ACOXL: variants seen among roughly 807,000 people sequenced by gnomAD.
ACOXL encodes the protein acyl-CoA oxidase like.
Under a neutral mutation model 71.9 loss-of-function variants are expected in ACOXL, and 70 were observed. The ratio of observed to expected loss-of-function variants is 0.97; its 90% CI spans 0.80 to 1.19. The LOEUF (loss-of-function observed/expected upper bound fraction) is 1.19, where lower values mean the gene tolerates loss of function less well. Among genes scored for constraint, ACOXL ranks in the 50% most tolerant of loss-of-function variants. ACOXL has a pLI of 0.00. For synonymous variants in ACOXL, 253 were observed against 281.6 expected (o/e 0.90, Z 1.02); for missense variants, 703 against 736.3 (o/e 0.95, Z 0.52).
chr2:110,751,320 A>G (rs1678933655), intron 1 of ACOXL, among the ~76,000 whole-genome samples: 2 of 151,814 alleles, frequency 1.3e-5, no homozygotes, highest in Non-Finnish European at 2.9e-5. Flanking sequence ...AAAAAAAAAA[A>G]AAATTTAGAC....
chr2:110,829,720 T>C (rs1460353027), intron 9 of ACOXL, among the ~76,000 whole-genome samples: 1 of 152,190 alleles, frequency 6.6e-6, no homozygotes, highest in African/African-American at 2.4e-5. Flanking sequence ...TGAGTGTGTG[T>C]GTATGTATCT....
intron 9 of ACOXL, among the ~76,000 whole-genome samples, chr2:110,810,506 C>T (rs889900973): frequency 6.6e-6 from 1 of 152,012 alleles, no homozygotes; most frequent in African/African-American, 2.4e-5. Flanking sequence ...CCCACTCACC[C>T]ATTCACCCAC....
At chr2:110,956,412 C>T (rs996312854) in intron 12 of ACOXL, among the ~76,000 whole-genome samples, 2 of 152,166 alleles carry the variant, frequency 1.3e-5, no homozygotes, top group African/African-American at 4.8e-5. Flanking sequence ...GAGTGCAGGG[C>T]AGCAGCGATA....
chr2:110,970,429 C>T (rs192086091), intron 12 of ACOXL, among the ~76,000 whole-genome samples: 12 of 152,282 alleles, frequency 7.9e-5, no homozygotes, highest in Admixed American at 7.2e-4. Context: ...AAGCATTTGA[C>T]AAAGTCCAAC....
rs79615682 is a variant in ACOXL, at chr2:111,077,864, G to A, written c.1441-15001G>A. On this transcript the variant is annotated intron_variant, in intron 16 of 17. Transcript: ENST00000439055. Reference sequence around the variant, plus strand: ...TTTTCTTTGTTTTTAGATTCCAGATGTTTGATTATGATGTGTCTAGGCATA... The same window carrying A: ...TTTTCTTTGTTTTTAGATTCCAGATATTTGATTATGATGTGTCTAGGCATA... 1.1e-4 allele frequency among the ~76,000 whole-genome samples: 17 copies of A among 152,264 alleles called. No homozygotes were observed. In the East Asian group the frequency reaches 2.7e-3, roughly 24 times the overall value.
At chr2:111,093,070 A>AT (rs774831277) in intron 17 of ACOXL, 104 bp downstream of exon 17, 60 of 873,022 alleles carry the variant, frequency 6.9e-5, no homozygotes, top group Non-Finnish European at 1.0e-4. Flanking sequence ...CCACTCATGG[A>AT]TTTTTATGCC....
intron 16 of ACOXL, among the ~76,000 whole-genome samples, chr2:111,050,193 G>GA (rs1031821710): frequency 2.0e-5 from 3 of 150,912 alleles, no homozygotes; most frequent in South Asian, 4.2e-4. Context: ...GAAATGGGTG[G>GA]AAAAAAAATA....
At chr2:110,988,438 TA>T (rs1044911154) in intron 13 of ACOXL, among the ~76,000 whole-genome samples, 119 of 145,796 alleles carry the variant, frequency 8.2e-4, no homozygotes, top group Admixed American at 8.2e-4. Flanking sequence ...AGACCTTGCC[TA>T]AAAAAAAAAA....
At chr2:111,076,758 G>A (rs1161962113) in intron 16 of ACOXL, among the ~76,000 whole-genome samples, 1 of 152,196 alleles carries the variant, frequency 6.6e-6, no homozygotes, top group Non-Finnish European at 1.5e-5. Context: ...TTAGAGGTCA[G>A]AAGTCTGAAA....
At chr2:110,807,236 T>C (rs528712565) in intron 9 of ACOXL, among the ~76,000 whole-genome samples, 52 of 152,310 alleles carry the variant, frequency 3.4e-4, no homozygotes, top group African/African-American at 1.1e-3. Context: ...GAACAGGCCA[T>C]AGCGCTCTCT....
chr2:111,018,566 A>G (rs2064576885), intron 14 of ACOXL, among the ~76,000 whole-genome samples: 1 of 151,996 alleles, frequency 6.6e-6, no homozygotes, highest in Non-Finnish European at 1.5e-5. Context: ...CCTTCCCTGT[A>G]GGGGTCATGG....
intron 17 of ACOXL, among the ~76,000 whole-genome samples, chr2:111,103,159 G>T (rs549010661): frequency 1.3e-5 from 2 of 152,262 alleles, no homozygotes; most frequent in East Asian, 3.9e-4. Flanking sequence ...GCCAGGCGTG[G>T]TGGCATGCGC....
intron 12 of ACOXL, among the ~76,000 whole-genome samples, chr2:110,938,777 T>A (rs1437956044): frequency 2.0e-5 from 3 of 152,198 alleles, no homozygotes; most frequent in African/African-American, 7.2e-5. Flanking sequence ...AAACTTGGAA[T>A]TAATCCACAA....
At chr2:111,065,016 T>G (rs987125577) in intron 16 of ACOXL, among the ~76,000 whole-genome samples, 1 of 152,180 alleles carries the variant, frequency 6.6e-6, no homozygotes, top group South Asian at 2.1e-4. Flanking sequence ...ATACTGAAAT[T>G]TATATGGAAA....
At chr2:111,054,752 A>C (rs897255320) in intron 16 of ACOXL, among the ~76,000 whole-genome samples, 1 of 152,188 alleles carries the variant, frequency 6.6e-6, no homozygotes, top group Non-Finnish European at 1.5e-5. Context: ...TCCTCCTGGC[A>C]ACCAAAAATC....
In ACOXL at chr2:111,081,706, T is replaced by C. The variant is rs541421080; in HGVS notation, c.1441-11159T>C. Among the ~76,000 whole-genome samples, 30 of 152,152 alleles carry C rather than the reference T, an allele frequency of 2.0e-4. No homozygotes were observed. In the East Asian group the frequency reaches 5.4e-3, roughly 27 times the overall value. ...TCATATGGAACCAAAAAAGAGCCCG[T>C]ATAGCCAATACAATCCTAAGCAAAA... On this transcript the variant is annotated intron_variant, in intron 16 of 17. Coordinates refer to ENST00000439055, the MANE Select transcript of ACOXL (RefSeq NM_001142807.4).
Position 110,870,388 on chromosome 2 carries a change from G to C in ACOXL, c.788+28983G>C, listed in dbSNP as rs539894966. 4.2e-3 allele frequency among the ~76,000 whole-genome samples: 622 copies of C among 149,228 alleles called. 5 individuals are homozygous for C. Among genetic ancestry groups the C allele is most frequent in the Non-Finnish European group, 6.6e-3 (442 of 67,290 alleles). On this transcript the variant is annotated intron_variant, in intron 10 of 17. Coordinates refer to ENST00000439055, the MANE Select transcript of ACOXL (RefSeq NM_001142807.4). The stretch of plus-strand genomic sequence containing the variant: ...AAAATCTTCTAAATCTTAACTTTTT[G>C]TGACATATTCAAATGTTAAACAATT...
At chr2:110,770,447 C>T (rs1376498793) in intron 2 of ACOXL, among the ~76,000 whole-genome samples, 2 of 152,234 alleles carry the variant, frequency 1.3e-5, no homozygotes, top group African/African-American at 2.4e-5. Flanking sequence ...CGCTGCGATA[C>T]TGCAGGCACC....
intron 10 of ACOXL, among the ~76,000 whole-genome samples, chr2:110,900,078 CACACACAT>C (rs1329826698): frequency 7.9e-4 from 83 of 104,532 alleles, no homozygotes; most frequent in East Asian, 3.2e-3. Context: ...TTTCAACACA[CACACACAT>C]ACACACACAC....
Sources: gnomAD v4.1 joint callset for allele counts (sites outside exome capture counted in the v4.1 genomes callset) on GRCh38, gnomAD v4.1.1 for gene constraint, MANE v1.5 for transcripts, NCBI Gene and HGNC (gene_info 2026-07-23, HGNC 2026-07-21) for gene names.